Variants in CNBD1 observed in about 807,000 individuals in gnomAD.
CNBD1 encodes the protein cyclic nucleotide-binding domain-containing protein 1.
In CNBD1, 71 loss-of-function variants were observed where a neutral mutation model predicts 54.4. The ratio of observed to expected loss-of-function variants is 1.30; its 90% CI spans 1.08 to 1.59. CNBD1 has a LOEUF of 1.59. Ranked by LOEUF, CNBD1 falls within the 40% of genes most tolerant of loss-of-function variation. The pLI is 0.00. For synonymous variants in CNBD1, 182 were observed against 170.7 expected, an observed-to-expected ratio of 1.07 and a Z score of -0.51; for missense variants, 659 against 518.0, an observed-to-expected ratio of 1.27 and a Z score of -2.64.
chr8:87,123,383 A>G (rs2130718118), intron 4 of CNBD1, among the ~76,000 whole-genome samples: 1 of 151,732 alleles, frequency 6.6e-6, no homozygotes, highest in East Asian at 1.9e-4. Flanking sequence ...ATACACAAAT[A>G]TGTGGAAATT....
intron 3 of CNBD1, 94 bp from the exon 4 acceptor site, chr8:86,939,502 C>T: frequency 1.3e-6 from 1 of 797,352 alleles, no homozygotes; most frequent in Non-Finnish European, 1.9e-6. Context: ...TTTCTCAAAA[C>T]AGTGCATTTA....
At chr8:87,211,268 T>C (rs936011118) in intron 5 of CNBD1, among the ~76,000 whole-genome samples, 4 of 152,204 alleles carry the variant, frequency 2.6e-5, no homozygotes, top group African/African-American at 9.6e-5. Context: ...TTTGATTTTA[T>C]AGGCTCATAG....
intron 2 of CNBD1, among the ~76,000 whole-genome samples, chr8:87,420,236 A>G (rs1035340993): frequency 6.6e-6 from 1 of 152,028 alleles, no homozygotes; most frequent in Admixed American, 6.6e-5. Context: ...AGCTTTGTGT[A>G]AGCACTATAA....
intron 8 of CNBD1, among the ~76,000 whole-genome samples, chr8:87,319,005 AAAAG>A (rs1286035941): frequency 1.3e-5 from 2 of 152,124 alleles, no homozygotes; most frequent in East Asian, 3.9e-4. Context: ...TTAAGCAACA[AAAAG>A]AAGAGTAAAT....
chr8:87,036,984 G>A (rs554015063), intron 4 of CNBD1, among the ~76,000 whole-genome samples: 18 of 152,140 alleles, frequency 1.2e-4, no homozygotes, highest in Admixed American at 8.5e-4. Context: ...TCTTCTTCTC[G>A]CTTCATTTAC....
In CNBD1 at chr8:87,323,543, T is replaced by C. The variant is rs1809591632; in HGVS notation, c.1043-28142T>C. On this transcript the variant is annotated intron_variant, in intron 8 of 10. Transcript: ENST00000518476. Reference sequence around the variant, plus strand: ...ATCCCTTGTAAGTTGGATTCCTAGGTATTTTATTCTCTTTGAAGCAATTGT... The same window carrying C: ...ATCCCTTGTAAGTTGGATTCCTAGGCATTTTATTCTCTTTGAAGCAATTGT... 1.7e-5 allele frequency among the ~76,000 whole-genome samples: 2 copies of C among 121,194 alleles called. 1 individual carries two copies. The highest frequency in any genetic ancestry group is 6.1e-5 in the African/African-American group (2 of 32,532). 79.5% of individuals were successfully genotyped at this position (121,194 alleles called of 152,430 possible).
intron 4 of CNBD1, among the ~76,000 whole-genome samples, chr8:87,109,863 T>G (rs1046858377): frequency 3.3e-5 from 5 of 152,056 alleles, no homozygotes; most frequent in Non-Finnish European, 5.9e-5. Flanking sequence ...GTACACAGAA[T>G]CCTGAGCTAC....
chr8:87,037,833 T>C (rs1274502187), intron 4 of CNBD1, among the ~76,000 whole-genome samples: 1 of 152,220 alleles, frequency 6.6e-6, no homozygotes. Context: ...AACTATATGA[T>C]GTCTTCATAT....
At chr8:86,933,729 CT>C (rs1224334279) in intron 3 of CNBD1, among the ~76,000 whole-genome samples, 1 of 151,968 alleles carries the variant, frequency 6.6e-6, no homozygotes, top group Non-Finnish European at 1.5e-5. Flanking sequence ...ATTTTTGTTA[CT>C]CTTTAACTTG....
intron 4 of CNBD1, among the ~76,000 whole-genome samples, chr8:86,941,450 A>G (rs1323182677): frequency 2.0e-5 from 3 of 152,216 alleles, no homozygotes; most frequent in Non-Finnish European, 4.4e-5. Flanking sequence ...TAGTTTCCAG[A>G]AACCCATGAA....
chr8:86,979,568 A>G (rs910736407), intron 4 of CNBD1, among the ~76,000 whole-genome samples: 13 of 152,072 alleles, frequency 8.5e-5, no homozygotes, highest in Non-Finnish European at 1.8e-4. Context: ...GTGGCAGAAT[A>G]AGACCCCATT....
At chr8:87,138,079 C>T (rs1353819723) in intron 4 of CNBD1, among the ~76,000 whole-genome samples, 1 of 152,132 alleles carries the variant, frequency 6.6e-6, no homozygotes, top group Non-Finnish European at 1.5e-5. Context: ...CTGATAGTTA[C>T]CAGATAGGTT....
At chr8:87,031,771 C>G (rs753485655) in intron 4 of CNBD1, among the ~76,000 whole-genome samples, 1 of 152,080 alleles carries the variant, frequency 6.6e-6, no homozygotes, top group Non-Finnish European at 1.5e-5. Context: ...GATGGAGTCT[C>G]GCTCTATCAC....
Position 87,311,257 on chromosome 8 carries a change from A to T in CNBD1, c.1042+24586A>T, listed in dbSNP as rs575147170. 3.3e-5 allele frequency among the ~76,000 whole-genome samples: 5 copies of T among 152,252 alleles called. No individual in the cohort carries two copies. The South Asian group carries it at 8.3e-4, about 25-fold the overall frequency. ...GAAACTTAAACAATTCAACAAGCAA[A>T]AAACAAAAAAACTCACCTAAAAAGT... On this transcript the variant is annotated intron_variant, in intron 8 of 10. Coordinates refer to ENST00000518476, the MANE Select transcript of CNBD1 (RefSeq NM_173538.3).
intron 8 of CNBD1, among the ~76,000 whole-genome samples, chr8:87,348,550 G>A (rs974668766): frequency 6.6e-6 from 1 of 152,104 alleles, no homozygotes; most frequent in Non-Finnish European, 1.5e-5. Flanking sequence ...TTTACAAGGA[G>A]AGGAATCCAT....
chr8:87,028,309 G>A (rs1809701072), intron 4 of CNBD1, among the ~76,000 whole-genome samples: 2 of 152,222 alleles, frequency 1.3e-5, no homozygotes, highest in African/African-American at 4.8e-5. Flanking sequence ...TGGGGCCGGA[G>A]AGAGACAGAA....
chr8:87,395,146 A>G (rs938433184), intron 2 of CNBD1, among the ~76,000 whole-genome samples: 1 of 151,916 alleles, frequency 6.6e-6, no homozygotes, highest in Non-Finnish European at 1.5e-5. Flanking sequence ...CATGATAATA[A>G]GTAATATTAG....
intron 4 of CNBD1, among the ~76,000 whole-genome samples, chr8:87,021,348 T>G (rs1809485064): frequency 6.6e-6 from 1 of 152,362 alleles, no homozygotes; most frequent in South Asian, 2.1e-4. Flanking sequence ...CTGGGAATAC[T>G]TTTGTAGCAA....
chr8:87,319,329 G>A (rs937276924), intron 8 of CNBD1, among the ~76,000 whole-genome samples: 4 of 152,086 alleles, frequency 2.6e-5, no homozygotes, highest in Admixed American at 6.6e-5. Context: ...AAAAGGCAAT[G>A]AGCCTCATAT....
Sources: gnomAD v4.1 joint callset for allele counts (sites outside exome capture counted in the v4.1 genomes callset) on GRCh38, gnomAD v4.1.1 for gene constraint, MANE v1.5 for transcripts, NCBI Gene and HGNC (gene_info 2026-07-23, HGNC 2026-07-21) for gene names.